Variants in FREM2 observed in about 807,000 individuals in gnomAD.
The protein encoded by FREM2 is FRAS1-related extracellular matrix protein 2.
Under a neutral mutation model 219.9 loss-of-function variants are expected in FREM2, and 119 were observed. That is an observed-to-expected ratio of 0.54 (90% CI 0.47 to 0.63). The LOEUF is 0.63. Among genes scored for constraint, FREM2 ranks in the 30% least tolerant of loss-of-function variants. The pLI is 0.00. For synonymous variants in FREM2, 1,562 were observed against 1,522.8 expected (o/e 1.03, Z -0.60); for missense variants, 4,030 against 3,993.6 (o/e 1.01, Z -0.25).
chr13:38,713,956 G>C (rs1032389004), intron 2 of FREM2, among the ~76,000 whole-genome samples: 3 of 152,194 alleles, frequency 2.0e-5, no homozygotes, highest in African/African-American at 7.2e-5. Flanking sequence ...CACAATGTAG[G>C]AGACAGCCTC....
chr13:38,704,449 A>G (rs987485299), intron 2 of FREM2, among the ~76,000 whole-genome samples: 2 of 152,242 alleles, frequency 1.3e-5, no homozygotes, highest in African/African-American at 4.8e-5. Flanking sequence ...GGACAGGATG[A>G]AGCTGCCACT....
At chr13:38,846,216 G>C (rs200531395) in intron 6 of FREM2, among the ~76,000 whole-genome samples, 1 of 140,110 alleles carries the variant, frequency 7.1e-6, no homozygotes, top group Non-Finnish European at 1.5e-5. Flanking sequence ...CTTGGCCAAA[G>C]TAAAAAAAAA....
In FREM2 at chr13:38,807,215, ATATATATATATATG is replaced by A. The variant is rs1566149219; in HGVS notation, c.6019+22411_6019+22424del. Among the ~76,000 whole-genome samples the A allele has an allele frequency of 2.5e-4, 29 of 117,894 alleles. 3 individuals are homozygous for A. In the East Asian group the frequency reaches 5.0e-3, roughly 20 times the overall value. 77.3% of individuals were successfully genotyped at this position (117,894 alleles called of 152,430 possible). On this transcript the variant is annotated intron_variant, in intron 6 of 23. Coordinates refer to ENST00000280481, the MANE Select transcript of FREM2 (RefSeq NM_207361.6). ...TATATATATATATATATATATATATATATATATATATATGTATGGTTTTGTTTTGTTTTGTTTTT... is the reference window on the plus strand; with the variant it reads ...TATATATATATATATATATATATATATATGGTTTTGTTTTGTTTTGTTTTT...
At chr13:38,701,571 C>T (rs1312397081) in intron 2 of FREM2, among the ~76,000 whole-genome samples, 3 of 151,984 alleles carry the variant, frequency 2.0e-5, no homozygotes, top group Non-Finnish European at 4.4e-5. Flanking sequence ...CTGATTCCTT[C>T]TCAGTGTTCA....
chr13:38,730,004 C>CT (rs1418447388), intron 2 of FREM2, among the ~76,000 whole-genome samples: 3 of 152,176 alleles, frequency 2.0e-5, no homozygotes, highest in African/African-American at 7.2e-5. Context: ...GATATTTTCT[C>CT]TTTTTTGTAT....
intron 6 of FREM2, among the ~76,000 whole-genome samples, chr13:38,800,541 C>T (rs565663603): frequency 6.6e-6 from 1 of 152,236 alleles, no homozygotes; most frequent in African/African-American, 2.4e-5. Flanking sequence ...GAAGACCTTT[C>T]TGAGTTACAT....
intron 6 of FREM2, among the ~76,000 whole-genome samples, chr13:38,830,651 C>T (rs754948241): frequency 6.6e-6 from 1 of 152,212 alleles, no homozygotes; most frequent in Non-Finnish European, 1.5e-5. Flanking sequence ...CCTGGGCTTT[C>T]GCCCTTTCCT....
intron 2 of FREM2, among the ~76,000 whole-genome samples, chr13:38,743,525 G>GA (rs1872333558): frequency 6.6e-6 from 1 of 151,928 alleles, no homozygotes; most frequent in African/African-American, 2.4e-5. Flanking sequence ...ATGGAAGAAA[G>GA]AAAAAAATCT....
At chr13:38,853,055 C>T (rs1877429882) in intron 11 of FREM2, among the ~76,000 whole-genome samples, 1 of 152,082 alleles carries the variant, frequency 6.6e-6, no homozygotes, top group South Asian at 2.1e-4. Context: ...TGGCCGGGTG[C>T]GTTGGCTCAC....
At position 38,689,594 on chromosome 13, in the gene FREM2, C is replaced by T. The variant is rs41292755; in HGVS notation, c.2250C>T (p.Asp750=). The T allele has an allele frequency of 0.11, 172,318 of 1,612,632 alleles. 10,162 individuals are homozygous for T. The highest frequency in any genetic ancestry group is 0.19 in the South Asian group (16,816 of 90,884). The change falls in exon 1 of 24, where the codon GAC becomes GAT. Residue 750 remains aspartate, a synonymous_variant. Transcript: ENST00000280481. ...TGACTCAGCCCCCCACAGACACAGACGAAAATCACCTGCCAGCCCCACTGG... is the reference window on the plus strand; with the variant it reads ...TGACTCAGCCCCCCACAGACACAGATGAAAATCACCTGCCAGCCCCACTGG... ...YTVTQPPTDT[D]ENHLPAPLGT...
At position 38,787,362 on chromosome 13, in the gene FREM2, T is replaced by C. The variant is rs1411908955; in HGVS notation, c.6019+2554T>C. The stretch of plus-strand genomic sequence containing the variant: ...CCACTTCTAACATCACTACTATAGT[T>C]TAGACAGATCCTTTTCATCTCAGAT... On this transcript the variant is annotated intron_variant, in intron 6 of 23. Transcript: ENST00000280481. 2.6e-5 allele frequency among the ~76,000 whole-genome samples: 4 copies of C among 152,166 alleles called. No individual in the cohort carries two copies. In the East Asian group the frequency reaches 7.7e-4, roughly 29 times the overall value.
At chr13:38,736,614 G>A (rs1872008534) in intron 2 of FREM2, among the ~76,000 whole-genome samples, 1 of 152,138 alleles carries the variant, frequency 6.6e-6, no homozygotes. Flanking sequence ...TATATAGTAA[G>A]ACTGTTTTGA....
intron 6 of FREM2, among the ~76,000 whole-genome samples, chr13:38,831,082 C>G (rs1876489224): frequency 1.3e-5 from 2 of 152,142 alleles, no homozygotes; most frequent in African/African-American, 4.8e-5. Flanking sequence ...GTTTAGGAAA[C>G]TGTAAATTGC....
At position 38,837,775 on chromosome 13, in the gene FREM2, G is replaced by GTTTTT. The variant is rs1555270912; in HGVS notation, c.6020-8794_6020-8793insTTTTT. ...GGATTGCAACCCCTGGTTTTTTTTTGTTTTGTTTTGTTTTGTTTTTGCTTT... is the reference window on the plus strand; with the variant it reads ...GGATTGCAACCCCTGGTTTTTTTTTGTTTTTTTTTGTTTTGTTTTGTTTTTGCTTT... On this transcript the variant is annotated intron_variant, in intron 6 of 23. Coordinates refer to ENST00000280481, the MANE Select transcript of FREM2 (RefSeq NM_207361.6). 4.3e-4 allele frequency among the ~76,000 whole-genome samples: 56 copies of GTTTTT among 128,860 alleles called. 4 individuals are homozygous for GTTTTT. Among genetic ancestry groups the GTTTTT allele is most frequent in the Admixed American group, 2.0e-3 (23 of 11,596 alleles). The allele number at this position is 128,860 out of a possible 152,430, so 84.5% of individuals were successfully genotyped here.
intron 2 of FREM2, among the ~76,000 whole-genome samples, chr13:38,735,088 T>C (rs1350037652): frequency 1.3e-5 from 2 of 152,178 alleles, no homozygotes; most frequent in Admixed American, 1.3e-4. Flanking sequence ...TTTGGCTTAA[T>C]AGAGGACAGC....
intron 11 of FREM2, among the ~76,000 whole-genome samples, chr13:38,855,826 T>C (rs1186361609): frequency 2.6e-5 from 4 of 151,970 alleles, no homozygotes; most frequent in African/African-American, 9.7e-5. Context: ...AAATCACCAC[T>C]CAAGAACTTA....
chr13:38,756,667 A>G (rs1174989248), intron 2 of FREM2, among the ~76,000 whole-genome samples: 1 of 151,634 alleles, frequency 6.6e-6, no homozygotes, highest in Non-Finnish European at 1.5e-5. Context: ...AGGTGAGACT[A>G]CAGGCATGTG....
chr13:38,791,692 A>G (rs980575169), intron 6 of FREM2, among the ~76,000 whole-genome samples: 11 of 152,160 alleles, frequency 7.2e-5, no homozygotes, highest in East Asian at 3.9e-4. Flanking sequence ...CCATGATTCA[A>G]TGATCTCCAC....
In FREM2 at chr13:38,689,474, T is replaced by A; in HGVS notation, c.2130T>A (p.Arg710=). The A allele has an allele frequency of 6.2e-7, 1 of 1,613,940 alleles. No individual in the cohort carries two copies. The highest frequency in any genetic ancestry group is 8.5e-7 in the Non-Finnish European group (1 of 1,179,970). ...PPELGSGCPL[R]MVVQESQLTP... ...AGCTGGGCAGTGGCTGTCCCCTTCG[T>A]ATGGTGGTACAGGAATCCCAGCTCA... Residue 710 remains arginine, a synonymous_variant, in exon 1 of 24, where the codon CGT becomes CGA. Coordinates refer to ENST00000280481, the MANE Select transcript of FREM2 (RefSeq NM_207361.6).
Sources: allele counts gnomAD v4.1 joint callset (sites outside exome capture counted in the v4.1 genomes callset), GRCh38; gene constraint gnomAD v4.1.1; transcripts MANE v1.5; gene names NCBI Gene and HGNC (gene_info 2026-07-23, HGNC 2026-07-21).